Variants in GALNTL5 observed in about 807,000 individuals in gnomAD.
GALNTL5 encodes the protein inactive polypeptide N-acetylgalactosaminyltransferase-like protein 5.
Under a neutral mutation model 51.0 loss-of-function variants are expected in GALNTL5, and 44 were observed. The observed-to-expected ratio is 0.86, with a 90% CI of 0.68 to 1.11. The LOEUF (loss-of-function observed/expected upper bound fraction) is 1.11. GALNTL5 is among the 50% of genes least tolerant of loss of function. GALNTL5 has a pLI of 0.00. For missense variants in GALNTL5, 528 were observed against 531.8 expected, an observed-to-expected ratio of 0.99 and a Z score of 0.07; for synonymous variants, 192 against 182.8, an observed-to-expected ratio of 1.05 and a Z score of -0.41.
intron 7 of GALNTL5, among the ~76,000 whole-genome samples, chr7:152,010,198 C>T (rs572522646): frequency 6.6e-6 from 1 of 152,076 alleles, no homozygotes; most frequent in East Asian, 2.0e-4. Context: ...CTGCAATCTC[C>T]GCCTCCCAGG....
intron 7 of GALNTL5, among the ~76,000 whole-genome samples, chr7:152,008,797 T>C (rs114194331): frequency 0.015 from 2,231 of 152,258 alleles, 61 homozygotes; most frequent in African/African-American, 0.051. Context: ...ACGTAGGCAT[T>C]ATTTTATAAC....
At position 152,014,636 on chromosome 7, in the gene GALNTL5, A is replaced by T. The variant is rs1207108200; in HGVS notation, c.1027-8A>T. 1.3e-6 allele frequency: 2 copies of T among 1,590,756 alleles called. No homozygotes were observed. The highest frequency in any genetic ancestry group is 1.9e-5 in the Admixed American group (1 of 53,682). On this transcript the variant is annotated splice_polypyrimidine_tract_variant and splice_region_variant and intron_variant, in intron 7 of 8. Transcript: ENST00000392800. ...CATTCGTATGTTTTTTGTTCTTCTT[A>T]TGCCTAGATCTGGATGTGTGGAGGC...
chr7:152,003,104 G>C (rs1207640110), intron 6 of GALNTL5, 141 bp downstream of exon 6: 2 of 672,714 alleles, frequency 3.0e-6, no homozygotes, highest in Admixed American at 2.8e-5. Context: ...CTTTAATACA[G>C]TAATAGAATT....
At chr7:151,957,515 C>T (rs577696793) in intron 1 of GALNTL5, among the ~76,000 whole-genome samples, 47 of 150,858 alleles carry the variant, frequency 3.1e-4, no homozygotes, top group African/African-American at 1.1e-3. Flanking sequence ...GGCCACTGCA[C>T]CCCAACCTGG....
At chr7:151,984,251 A>G (rs1426476774) in intron 4 of GALNTL5, 2 of 152,188 alleles carry the variant, frequency 1.3e-5, no homozygotes, top group African/African-American at 4.8e-5. Context: ...TGATACTAGC[A>G]CTAGTTAACT....
chr7:152,009,246 C>T (rs761637967), intron 7 of GALNTL5, among the ~76,000 whole-genome samples: 4 of 152,194 alleles, frequency 2.6e-5, no homozygotes, highest in South Asian at 2.1e-4. Flanking sequence ...CTTCATTTCT[C>T]GTTTACTCCT....
chr7:151,999,146 G>T (rs1357447885), intron 5 of GALNTL5, among the ~76,000 whole-genome samples: 1 of 152,020 alleles, frequency 6.6e-6, no homozygotes, highest in African/African-American at 2.4e-5. Flanking sequence ...TTTTTGTGTC[G>T]GGCTTCTTTC....
intron 7 of GALNTL5, among the ~76,000 whole-genome samples, chr7:152,008,513 G>A (rs1001403626): frequency 1.3e-5 from 2 of 151,796 alleles, no homozygotes; most frequent in Non-Finnish European, 2.9e-5. Flanking sequence ...TATTGTCTCA[G>A]TAGTTGTGTT....
chr7:151,982,414 C>A (rs1195618687), intron 3 of GALNTL5, among the ~76,000 whole-genome samples: 3 of 152,052 alleles, frequency 2.0e-5, no homozygotes, highest in Non-Finnish European at 4.4e-5. Flanking sequence ...AACTCCATCT[C>A]AAAAAGAATG....
chr7:152,018,136 G>A (rs1238060019), intron 8 of GALNTL5, among the ~76,000 whole-genome samples: 2 of 152,320 alleles, frequency 1.3e-5, no homozygotes, highest in South Asian at 2.1e-4. Context: ...AAGCCACCAC[G>A]CCCAGCCTTG....
chr7:152,006,047 T>C (rs1022442069), intron 6 of GALNTL5, among the ~76,000 whole-genome samples: 1 of 150,448 alleles, frequency 6.6e-6, no homozygotes, highest in African/African-American at 2.5e-5. Flanking sequence ...ACATTGACAG[T>C]TGAGAGGAGG....
rs532209001 is a variant in GALNTL5, at chr7:151,988,334, C to T, written c.658+1053C>T. On this transcript the variant is annotated intron_variant, in intron 5 of 8. Transcript: ENST00000392800. ...AGAGAGCCCAGGCCTCCTACGATCA[C>T]GCCTCCTGCCGCATGTAGGGGAATG... 3.3e-5 allele frequency among the ~76,000 whole-genome samples: 5 copies of T among 152,306 alleles called. No homozygotes were observed. In the South Asian group the frequency reaches 6.2e-4, roughly 19 times the overall value.
At chr7:152,006,860 C>A (rs566563594) in intron 6 of GALNTL5, among the ~76,000 whole-genome samples, 1 of 151,958 alleles carries the variant, frequency 6.6e-6, no homozygotes, top group Non-Finnish European at 1.5e-5. Context: ...TGCAGCCTCC[C>A]AGGTTCAAGC....
chr7:151,966,064 A>T (rs575919220), intron 1 of GALNTL5, among the ~76,000 whole-genome samples: 5 of 152,218 alleles, frequency 3.3e-5, no homozygotes, highest in African/African-American at 1.2e-4. Context: ...TGTACCCATA[A>T]ATAATTGCAC....
chr7:151,975,179 G>C (rs2081191500), intron 3 of GALNTL5, among the ~76,000 whole-genome samples: 1 of 152,100 alleles, frequency 6.6e-6, no homozygotes, highest in South Asian at 2.1e-4. Flanking sequence ...AATAAATTCA[G>C]TAGTGAACCC....
intron 2 of GALNTL5, among the ~76,000 whole-genome samples, chr7:151,968,791 T>C (rs1449031670): frequency 6.6e-6 from 1 of 152,240 alleles, no homozygotes; most frequent in Admixed American, 6.5e-5. Context: ...ACACTTGACA[T>C]GGTCCAGTTT....
At chr7:152,005,421 A>G (rs943207720) in intron 6 of GALNTL5, among the ~76,000 whole-genome samples, 1 of 151,906 alleles carries the variant, frequency 6.6e-6, no homozygotes, top group Non-Finnish European at 1.5e-5. Flanking sequence ...AGCTGACTCC[A>G]ACGTTTTCGG....
intron 3 of GALNTL5, among the ~76,000 whole-genome samples, chr7:151,977,280 T>TTA (rs1453868390): frequency 6.6e-6 from 1 of 152,112 alleles, no homozygotes; most frequent in South Asian, 2.1e-4. Context: ...AGAAAATAAG[T>TTA]TATAAGTGGT....
intron 3 of GALNTL5, among the ~76,000 whole-genome samples, chr7:151,975,168 A>G (rs2081191404): frequency 6.6e-6 from 1 of 152,168 alleles, no homozygotes; most frequent in Non-Finnish European, 1.5e-5. Flanking sequence ...TTTATTCTTT[A>G]AATAAATTCA....
Sources: allele counts gnomAD v4.1 joint callset (sites outside exome capture counted in the v4.1 genomes callset), GRCh38; gene constraint gnomAD v4.1.1; transcripts MANE v1.5; gene names NCBI Gene and HGNC (gene_info 2026-07-23, HGNC 2026-07-21).